The following SLC2A12 variants were observed in gnomAD, a reference collection of about 807,000 sequenced individuals.
SLC2A12 encodes the protein solute carrier family 2, facilitated glucose transporter member 12.
A neutral mutation model predicts 41.8 loss-of-function variants in SLC2A12; 23 were observed. The ratio of observed to expected loss-of-function variants is 0.55; its 90% CI spans 0.40 to 0.78. SLC2A12 has a LOEUF of 0.78. Among genes scored for constraint, SLC2A12 ranks in the 30% least tolerant of loss-of-function variants. SLC2A12 has a pLI of 0.00. For synonymous variants in SLC2A12, 295 were observed against 285.9 expected (o/e 1.03, Z -0.32); for missense variants, 654 against 745.6 (o/e 0.88, Z 1.43).
intron 1 of SLC2A12, among the ~76,000 whole-genome samples, chr6:134,048,055 A>G (rs987606739): frequency 8.5e-5 from 13 of 152,230 alleles, no homozygotes; most frequent in African/African-American, 3.1e-4. Context: ...GAGTTTGCAG[A>G]GAAACATCTC....
In SLC2A12 at chr6:133,998,510, T is replaced by C. The variant is rs187976276; in HGVS notation, c.1700+3487A>G. ...TCCCTGCCTCAATTTTTCAGTTATT[T>C]TTGTTCACAATAATTCACAAAATTT... On this transcript the variant is annotated intron_variant, in intron 4 of 4. Transcript: ENST00000275230. 3.6e-3 allele frequency among the ~76,000 whole-genome samples: 553 copies of C among 152,354 alleles called. 5 individuals carry two copies. Among genetic ancestry groups the C allele is most frequent in the African/African-American group, 0.013 (527 of 41,584 alleles).
intron 3 of SLC2A12, among the ~76,000 whole-genome samples, chr6:134,002,561 C>T (rs151121759): frequency 1.3e-4 from 20 of 152,058 alleles, no homozygotes; most frequent in African/African-American, 4.6e-4. Context: ...AGTTTCTGTT[C>T]GGTGGACAAT....
At chr6:134,009,326 A>G (rs1172516333) in intron 2 of SLC2A12, 4 of 152,228 alleles carry the variant, frequency 2.6e-5, no homozygotes, top group Non-Finnish European at 5.9e-5. Context: ...TCTCTGTTCG[A>G]AAGGAAACTT....
In SLC2A12 at chr6:134,029,540, G is replaced by A; in HGVS notation, c.285C>T (p.Leu95=). ...SLVIGALLAS[L]TGGVLIDRYG... is the part of the protein sequence containing the mutation. ...ATCTGTCTATCAGGACCCCTCCGGTGAGTGAGGCAAGGAGGGCTCCAATGA... is the reference window on the plus strand; with the variant it reads ...ATCTGTCTATCAGGACCCCTCCGGTAAGTGAGGCAAGGAGGGCTCCAATGA... The change falls in exon 2 of 5, where the codon CTC becomes CTT. Residue 95 remains leucine (L), a synonymous_variant. Transcript: ENST00000275230. 3 of 1,614,154 alleles carry A rather than the reference G, an allele frequency of 1.9e-6. No homozygotes were observed. Among genetic ancestry groups the A allele is most frequent in the East Asian group, 2.2e-5 (1 of 44,878 alleles).
chr6:134,052,599 G>A lies in SLC2A12; in HGVS notation c.-119C>T. 2 of 741,706 alleles carry A rather than the reference G, an allele frequency of 2.7e-6. No individual in the cohort carries two copies. Among genetic ancestry groups the A allele is most frequent in the Non-Finnish European group, 4.5e-6 (2 of 447,398 alleles). 45.9% of individuals were successfully genotyped at this position (741,706 alleles called of 1,614,324 possible). On this transcript the variant is annotated 5_prime_UTR_variant, in exon 1 of 5. Coordinates refer to ENST00000275230, the MANE Select transcript of SLC2A12 (RefSeq NM_145176.3). ...AAAGAAGAGTGTGGGGAAAAACTTC[G>A]GGCAAAGCTAATGTGATTTGTGACC...
intron 1 of SLC2A12, among the ~76,000 whole-genome samples, chr6:134,038,684 TTTC>T (rs1777339101): frequency 6.8e-6 from 1 of 146,380 alleles, no homozygotes; most frequent in African/African-American, 2.5e-5. Context: ...CCTTTTATCC[TTTC>T]TTCCTTTCTT....
chr6:134,001,456 T>C (rs1157003608), intron 4 of SLC2A12, among the ~76,000 whole-genome samples: 1 of 152,192 alleles, frequency 6.6e-6, no homozygotes, highest in Non-Finnish European at 1.5e-5. Flanking sequence ...AGTGAAAATA[T>C]TAAACTTTGT....
intron 2 of SLC2A12, 47 bp downstream of exon 2, chr6:134,028,334 A>T: frequency 6.5e-7 from 1 of 1,542,756 alleles, no homozygotes; most frequent in Non-Finnish European, 8.7e-7. Flanking sequence ...TAGCAGTAGG[A>T]TGCTCTGACT....
chr6:134,006,641 G>T (rs999704681), intron 3 of SLC2A12, among the ~76,000 whole-genome samples, 171 bp downstream of exon 3: 4 of 152,134 alleles, frequency 2.6e-5, no homozygotes, highest in African/African-American at 7.2e-5. Context: ...GTTATAAATA[G>T]ATTTACATTC....
intron 2 of SLC2A12, among the ~76,000 whole-genome samples, chr6:134,018,312 G>A (rs1280406878): frequency 1.3e-5 from 2 of 152,078 alleles, no homozygotes; most frequent in African/African-American, 2.4e-5. Flanking sequence ...CATTTAACTC[G>A]ACAGGCCATC....
intron 1 of SLC2A12, among the ~76,000 whole-genome samples, chr6:134,034,066 AT>A (rs1352339393): frequency 1.3e-5 from 2 of 152,156 alleles, no homozygotes; most frequent in Non-Finnish European, 2.9e-5. Context: ...ATGGAGTATA[AT>A]TCTTCAGAGA....
intron 3 of SLC2A12, among the ~76,000 whole-genome samples, chr6:134,004,434 A>C (rs993176437): frequency 1.3e-5 from 2 of 152,198 alleles, no homozygotes; most frequent in African/African-American, 4.8e-5. Context: ...GGATATACTA[A>C]ATATATATGT....
chr6:134,033,810 G>A (rs1037937084), intron 1 of SLC2A12, among the ~76,000 whole-genome samples: 9 of 152,232 alleles, frequency 5.9e-5, no homozygotes, highest in Non-Finnish European at 7.4e-5. Flanking sequence ...TTGAGATGCA[G>A]GAGTCCCTTC....
chr6:134,045,320 T>C (rs753156529), intron 1 of SLC2A12, among the ~76,000 whole-genome samples: 1 of 152,220 alleles, frequency 6.6e-6, no homozygotes, highest in Non-Finnish European at 1.5e-5. Context: ...GCTGGTAATA[T>C]GGGTCAAGAG....
In SLC2A12 at chr6:134,029,677, T is replaced by G; in HGVS notation, c.148A>C (p.Ser50Arg). ...AGTTCATAACCCACCAGGAGGCCAC[T>G]GACAGCAGCAGTGACAGATGACAGG... Reference protein sequence around the residue: ...TFLSSVTAAVSGLLVGYELGI... With the variant: ...TFLSSVTAAVRGLLVGYELGI... Residue 50 changes from serine to arginine, a missense_variant, in exon 2 of 5, where the codon AGT becomes CGT. Around this residue, in one of 3 missense-constraint regions of SLC2A12, gnomAD observed 109 missense variants for 153.0 expected, o/e 0.71. Transcript: ENST00000275230. 6.2e-7 allele frequency: 1 copy of G among 1,610,416 alleles called. No homozygotes were observed. Among genetic ancestry groups the G allele is most frequent in the South Asian group, 1.1e-5 (1 of 91,056 alleles).
At chr6:134,048,262 G>C (rs193042467) in intron 1 of SLC2A12, among the ~76,000 whole-genome samples, 34 of 152,250 alleles carry the variant, frequency 2.2e-4, no homozygotes, top group African/African-American at 8.2e-4. Context: ...TGACCACACA[G>C]AAGAGCAAGT....
chr6:134,015,479 T>A (rs1017524058), intron 2 of SLC2A12, among the ~76,000 whole-genome samples: 2 of 152,096 alleles, frequency 1.3e-5, no homozygotes, highest in Non-Finnish European at 2.9e-5. Flanking sequence ...AAGTTGGAAA[T>A]AAATATATAT....
At position 133,987,621 on chromosome 6, in the gene SLC2A12, A is replaced by G. The variant is rs1776551887; in HGVS notation, c.*3534T>C. 1 of 121,968 alleles carries G rather than the reference A, an allele frequency of 8.2e-6. No homozygotes were observed. The highest frequency in any genetic ancestry group is 1.8e-5 in the Non-Finnish European group (1 of 56,144). 7.6% of individuals were successfully genotyped at this position (121,968 alleles called of 1,614,324 possible). A position where few individuals can be genotyped will look rare whatever the true frequency, so the allele number is the denominator to read the frequency against. On this transcript the variant is annotated 3_prime_UTR_variant, in exon 5 of 5. Coordinates refer to ENST00000275230, the MANE Select transcript of SLC2A12 (RefSeq NM_145176.3). ...GTGTGTTGGCTTCTTTTTGAAGTGTATTTTGTGTGTGTGTGTGTGTGTGTG... is the reference window on the plus strand; with the variant it reads ...GTGTGTTGGCTTCTTTTTGAAGTGTGTTTTGTGTGTGTGTGTGTGTGTGTG...
chr6:134,036,660 C>G (rs1777304756), intron 1 of SLC2A12, among the ~76,000 whole-genome samples: 2 of 152,258 alleles, frequency 1.3e-5, no homozygotes, highest in South Asian at 4.1e-4. Flanking sequence ...AACAACACTC[C>G]AGAATACTGA....
Sources: gnomAD v4.1 joint callset for allele counts (sites outside exome capture counted in the v4.1 genomes callset) on GRCh38, gnomAD v4.1.1 for gene constraint, gnomAD v4.1.1 regional missense constraint, MANE v1.5 for transcripts, NCBI Gene and HGNC (gene_info 2026-07-23, HGNC 2026-07-21) for gene names.